Variants in PPM1L observed in about 807,000 individuals in gnomAD.
PPM1L encodes protein phosphatase, Mg2+/Mn2+ dependent 1L, also known as protein phosphatase 1L.
Under a neutral mutation model 31.4 loss-of-function variants are expected in PPM1L, and 13 were observed. The ratio of observed to expected loss-of-function variants is 0.41; its 90% CI spans 0.27 to 0.66. PPM1L has a LOEUF of 0.66. PPM1L is among the 30% of genes least tolerant of loss of function. The probability of loss-of-function intolerance (pLI) is 0.29; values close to 1 mark genes in which losing one functional copy is unlikely to be tolerated. For missense variants in PPM1L, 326 were observed against 453.7 expected (o/e 0.72, Z 2.56); for synonymous variants, 184 against 175.4 (o/e 1.05, Z -0.39).
intron 1 of PPM1L, among the ~76,000 whole-genome samples, chr3:160,941,917 G>T (rs1715174998): frequency 6.6e-6 from 1 of 152,210 alleles, no homozygotes; most frequent in Admixed American, 6.5e-5. Flanking sequence ...ATACTTGAAT[G>T]AATTATTAGG....
chr3:161,018,508 A>G (rs962865157), intron 2 of PPM1L, among the ~76,000 whole-genome samples: 1 of 152,210 alleles, frequency 6.6e-6, no homozygotes, highest in Non-Finnish European at 1.5e-5. Flanking sequence ...ACTATAAACT[A>G]CAATTGATGA....
chr3:161,014,498 G>A (rs1191473016), intron 2 of PPM1L, among the ~76,000 whole-genome samples: 1 of 140,084 alleles, frequency 7.1e-6, no homozygotes, highest in Non-Finnish European at 1.5e-5. Flanking sequence ...TTTTTTAGAT[G>A]GAGTCTTGCT....
intron 1 of PPM1L, among the ~76,000 whole-genome samples, chr3:160,912,768 A>C (rs566839797): frequency 6.6e-6 from 1 of 152,336 alleles, no homozygotes; most frequent in South Asian, 2.1e-4. Flanking sequence ...GAAATTATGA[A>C]GTTTAGAGCA....
At chr3:161,039,944 A>AAATGCT (rs753047333) in intron 2 of PPM1L, among the ~76,000 whole-genome samples, 10 of 152,302 alleles carry the variant, frequency 6.6e-5, no homozygotes, top group East Asian at 1.9e-4. Context: ...TTCTCCAAAT[A>AAATGCT]AATGCTACAA....
At chr3:160,777,392 A>G (rs1711593658) in intron 1 of PPM1L, among the ~76,000 whole-genome samples, 2 of 152,244 alleles carry the variant, frequency 1.3e-5, no homozygotes, top group Admixed American at 6.5e-5. Context: ...AACAAAATTT[A>G]TCATTATAAC....
Position 160,756,384 on chromosome 3 carries a change from CT to C in PPM1L, c.80del (p.Phe27SerfsTer19). 1 of 1,614,230 alleles carries C rather than the reference CT, an allele frequency of 6.2e-7. No homozygotes were observed. The highest frequency in any genetic ancestry group is 8.5e-7 in the Non-Finnish European group (1 of 1,180,036). ...MRYFLLRPETLFLLCISLALW... is the reference protein window; with the variant it reads ...MRYFLLRPETXFLLCISLALW... ...CTACTTCTTGCTGAGACCCGAGACGCTTTTCCTGCTGTGCATCAGCTTGGCT... is the reference window on the plus strand; with the variant it reads ...CTACTTCTTGCTGAGACCCGAGACGCTTTCCTGCTGTGCATCAGCTTGGCT... On this transcript the variant is annotated frameshift_variant, in exon 1 of 4. Transcript: ENST00000498165. LOFTEE classifies it high-confidence loss of function. The surrounding 1 kb of genome is among the most constrained non-coding windows in gnomAD (Gnocchi z 6.2).
At chr3:160,902,528 G>A (rs138111648) in intron 1 of PPM1L, among the ~76,000 whole-genome samples, 2 of 152,228 alleles carry the variant, frequency 1.3e-5, no homozygotes, top group African/African-American at 4.8e-5. Flanking sequence ...AGACTCTAGA[G>A]AAATGGTTTA....
Position 161,068,768 on chromosome 3 carries a change from G to A in PPM1L, c.737-43G>A, listed in dbSNP as rs764330782. The A allele has an allele frequency of 5.9e-6, 9 of 1,517,218 alleles. No homozygotes were observed. In the African/African-American group the frequency reaches 1.2e-4, roughly 21 times the overall value. The allele number at this position is 1,517,218 out of a possible 1,614,324, so 94.0% of individuals were successfully genotyped here. On this transcript the variant is annotated intron_variant, in intron 3 of 3. Transcript: ENST00000498165. ...TACCTAGACTATCCCAGGTAAGTGA[G>A]ATATCAGCTGGTCAAACTAATGGGC...
chr3:161,038,477 A>G (rs1718811807), intron 2 of PPM1L, among the ~76,000 whole-genome samples: 1 of 150,904 alleles, frequency 6.6e-6, no homozygotes, highest in South Asian at 2.1e-4. Context: ...ATGCCTGGCT[A>G]ATTTTTATTT....
At chr3:161,053,957 T>A (rs150719868) in intron 2 of PPM1L, among the ~76,000 whole-genome samples, 46 of 150,304 alleles carry the variant, frequency 3.1e-4, no homozygotes, top group Admixed American at 1.1e-3. Flanking sequence ...TAATTTGTAA[T>A]GGATCTATTT....
chr3:161,062,767 C>T (rs1483071482), intron 2 of PPM1L, among the ~76,000 whole-genome samples: 3 of 152,108 alleles, frequency 2.0e-5, no homozygotes, highest in Non-Finnish European at 4.4e-5. Flanking sequence ...AGTTGAAATG[C>T]GGCTGGGGAA....
At chr3:160,924,814 G>T (rs183801101) in intron 1 of PPM1L, among the ~76,000 whole-genome samples, 1 of 152,116 alleles carries the variant, frequency 6.6e-6, no homozygotes, top group Admixed American at 6.5e-5. Context: ...GTCAGTTATG[G>T]TACTTTTGCA....
chr3:160,797,555 G>A (rs1357478280), intron 1 of PPM1L, among the ~76,000 whole-genome samples: 2 of 152,194 alleles, frequency 1.3e-5, no homozygotes, highest in Non-Finnish European at 2.9e-5. Flanking sequence ...GCTGAGACAG[G>A]TCAGAAGCTA....
rs562007256 is a variant in PPM1L, at chr3:160,756,236, C to T, written c.-73C>T. 28 of 1,526,764 alleles carry T rather than the reference C, an allele frequency of 1.8e-5. No individual in the cohort carries two copies. Among genetic ancestry groups the T allele is most frequent in the East Asian group, 1.4e-4 (6 of 44,196 alleles). 94.6% of individuals were successfully genotyped at this position (1,526,764 alleles called of 1,614,324 possible). A position where few individuals can be genotyped will look rare whatever the true frequency, so the allele number is the denominator to read the frequency against. On this transcript the variant is annotated 5_prime_UTR_variant, in exon 1 of 4. Coordinates refer to ENST00000498165, the MANE Select transcript of PPM1L (RefSeq NM_139245.4). This position sits in a 1 kb window ranked among gnomAD's most constrained non-coding sequence, Gnocchi z 6.2. Reference sequence around the variant, plus strand: ...CGCCTCCCTCCCGGCGGGCTGTCCCCGCAGTGCTCCCGGACCCGGCGAGCC... The same window carrying T: ...CGCCTCCCTCCCGGCGGGCTGTCCCTGCAGTGCTCCCGGACCCGGCGAGCC...
intron 2 of PPM1L, among the ~76,000 whole-genome samples, chr3:160,965,682 T>C (rs545263684): frequency 6.6e-6 from 1 of 152,144 alleles, no homozygotes; most frequent in East Asian, 1.9e-4. Context: ...GCATCTGCAC[T>C]AACATGCTCA....
chr3:161,029,219 A>G (rs935343580), intron 2 of PPM1L, among the ~76,000 whole-genome samples: 2 of 152,208 alleles, frequency 1.3e-5, no homozygotes, highest in Non-Finnish European at 2.9e-5. Context: ...TACATAGGTT[A>G]TTTCATTTTA....
intron 1 of PPM1L, among the ~76,000 whole-genome samples, chr3:160,763,802 A>C (rs1715032056): frequency 6.6e-6 from 1 of 152,172 alleles, no homozygotes; most frequent in Non-Finnish European, 1.5e-5. Context: ...AGAGCAGTGA[A>C]GATGAAACTC....
At chr3:160,836,061 A>G (rs1713705732) in intron 1 of PPM1L, among the ~76,000 whole-genome samples, 1 of 152,078 alleles carries the variant, frequency 6.6e-6, no homozygotes, top group Non-Finnish European at 1.5e-5. Flanking sequence ...ATATCTTTTC[A>G]GGTATCTTAT....
chr3:161,052,424 C>A (rs1321984501), intron 2 of PPM1L, among the ~76,000 whole-genome samples: 1 of 152,200 alleles, frequency 6.6e-6, no homozygotes, highest in African/African-American at 2.4e-5. Context: ...TCTTCGTAGT[C>A]CTGGGGTGTG....
Sources: allele counts gnomAD v4.1 joint callset (sites outside exome capture counted in the v4.1 genomes callset), GRCh38; gene constraint gnomAD v4.1.1; non-coding constraint Gnocchi (gnomAD v3.1); transcripts MANE v1.5; gene names NCBI Gene and HGNC (gene_info 2026-07-23, HGNC 2026-07-21).